Variants in RNF217 observed in about 807,000 individuals in gnomAD.
RNF217 encodes ring finger protein 217, also known as E3 ubiquitin-protein ligase RNF217.
RNF217 carries 31 observed loss-of-function variants against 57.8 expected under a neutral mutation model. The ratio of observed to expected loss-of-function variants is 0.54; its 90% CI spans 0.40 to 0.72. RNF217 has a LOEUF of 0.72. Among genes scored for constraint, RNF217 ranks in the 30% least tolerant of loss-of-function variants. The pLI is 0.00. For synonymous variants in RNF217, 313 were observed against 294.0 expected (o/e 1.06, Z -0.66); for missense variants, 696 against 708.3 (o/e 0.98, Z 0.20).
At position 125,058,106 on chromosome 6, in the gene RNF217, G is replaced by A. The variant is rs1311673198; in HGVS notation, c.1281G>A (p.Lys427=). ...QRNAQKCPKC[K]IHIQRTEGCD... ...ATGCCCAGAAGTGTCCAAAGTGCAA[G>A]GTGAGATAACTTTTAGGAGGAAAAG... The change falls in exon 3 of 6, where the codon AAG becomes AAA. Residue 427 remains lysine, a splice_region_variant and synonymous_variant. Coordinates refer to ENST00000521654, the MANE Select transcript of RNF217 (RefSeq NM_001286398.3). 1 of 1,606,722 alleles carries A rather than the reference G, an allele frequency of 6.2e-7. No homozygotes were observed. Among genetic ancestry groups the A allele is most frequent in the Admixed American group, 1.7e-5 (1 of 59,226 alleles).
At chr6:125,000,705 A>G (rs1456934956) in intron 1 of RNF217, among the ~76,000 whole-genome samples, 1 of 152,142 alleles carries the variant, frequency 6.6e-6, no homozygotes, top group Non-Finnish European at 1.5e-5. Flanking sequence ...ATACATGAGT[A>G]TCTACATGCC....
At chr6:125,009,164 A>T in intron 1 of RNF217, 4 of 1,509,772 alleles carry the variant, frequency 2.6e-6, no homozygotes, top group Admixed American at 4.2e-5. Flanking sequence ...TTCTCTTCTC[A>T]TATTCATAGG....
intron 3 of RNF217, among the ~76,000 whole-genome samples, chr6:125,075,773 A>G (rs1383228114): frequency 6.6e-6 from 1 of 152,200 alleles, no homozygotes; most frequent in Non-Finnish European, 1.5e-5. Context: ...ACGCACAGAT[A>G]AAGATGGCTC....
intron 2 of RNF217, among the ~76,000 whole-genome samples, chr6:125,047,788 C>A (rs982078034): frequency 4.0e-5 from 6 of 151,614 alleles, no homozygotes; most frequent in South Asian, 2.1e-4. Flanking sequence ...TCAACAACAC[C>A]ATAAATGTTG....
chr6:125,037,480 G>C (rs535734475), intron 1 of RNF217, among the ~76,000 whole-genome samples: 1 of 152,236 alleles, frequency 6.6e-6, no homozygotes, highest in Non-Finnish European at 1.5e-5. Flanking sequence ...CTTGCTTAGA[G>C]TCAAGAGATT....
At chr6:125,025,972 T>C (rs1562474285) in intron 1 of RNF217, among the ~76,000 whole-genome samples, 1 of 151,918 alleles carries the variant, frequency 6.6e-6, no homozygotes, top group East Asian at 1.9e-4. Context: ...GGTGAAATGG[T>C]TCATGGGTAA....
At chr6:125,048,175 A>G (rs1176727592) in intron 2 of RNF217, 1 of 1,339,750 alleles carries the variant, frequency 7.5e-7, no homozygotes, top group African/African-American at 1.5e-5. Context: ...TGACATGGAT[A>G]CCCCAGCCAA....
chr6:125,079,756 G>T lies in RNF217; in HGVS notation c.1484-1680G>T, dbSNP rs1408526367. ...ATAAATCTAGATAAACTGAAAATGG[G>T]TTATGTGCAAGTATAATTTAAAATA... On this transcript the variant is annotated intron_variant, in intron 4 of 5. Coordinates refer to ENST00000521654, the MANE Select transcript of RNF217 (RefSeq NM_001286398.3). Among the ~76,000 whole-genome samples, 36 of 151,934 alleles carry T rather than the reference G, an allele frequency of 2.4e-4. 1 individual carries two copies. The highest frequency in any genetic ancestry group is 5.9e-5 in the Non-Finnish European group (4 of 67,958).
At chr6:125,009,171 T>C in intron 1 of RNF217, 1 of 1,532,192 alleles carries the variant, frequency 6.5e-7, no homozygotes, top group Non-Finnish European at 8.8e-7. Flanking sequence ...CTCATATTCA[T>C]AGGTCCATTG....
intron 1 of RNF217, among the ~76,000 whole-genome samples, chr6:124,995,237 A>G (rs922758634): frequency 6.6e-6 from 1 of 152,186 alleles, no homozygotes; most frequent in Non-Finnish European, 1.5e-5. Flanking sequence ...AATATAACAC[A>G]TGGTTATAGT....
At chr6:125,065,871 C>T (rs1787915211) in intron 3 of RNF217, among the ~76,000 whole-genome samples, 1 of 152,154 alleles carries the variant, frequency 6.6e-6, no homozygotes, top group South Asian at 2.1e-4. Flanking sequence ...GTGAGAAAAG[C>T]TATATATCCA....
At chr6:125,039,049 G>A (rs553958110) in intron 1 of RNF217, among the ~76,000 whole-genome samples, 1 of 151,852 alleles carries the variant, frequency 6.6e-6, no homozygotes, top group East Asian at 1.9e-4. Context: ...TCCCTGCTGT[G>A]TCCATGTGTT....
intron 1 of RNF217, among the ~76,000 whole-genome samples, chr6:125,013,866 A>T (rs769994996): frequency 7.2e-5 from 11 of 152,208 alleles, no homozygotes; most frequent in Non-Finnish European, 1.6e-4. Context: ...GACATGTAAC[A>T]GCAGCAACAA....
chr6:124,999,139 C>G (rs1171135993), intron 1 of RNF217, among the ~76,000 whole-genome samples: 1 of 152,196 alleles, frequency 6.6e-6, no homozygotes, highest in East Asian at 1.9e-4. Flanking sequence ...GTGTATTATA[C>G]TGAAGACAAA....
chr6:125,009,213 A>C, intron 1 of RNF217: 2 of 1,598,782 alleles, frequency 1.3e-6, no homozygotes, highest in East Asian at 2.2e-5. Flanking sequence ...AGAGTAGGAG[A>C]ATCAAAGCTG....
chr6:124,983,247 A>T, intron 1 of RNF217: 1 of 383,806 alleles, frequency 2.6e-6, no homozygotes, highest in Non-Finnish European at 3.6e-6. Context: ...AAAAAGGTTT[A>T]GAGCCACTGG....
At chr6:125,058,441 G>T (rs528917549) in intron 3 of RNF217, among the ~76,000 whole-genome samples, 1 of 152,078 alleles carries the variant, frequency 6.6e-6, no homozygotes, top group African/African-American at 2.4e-5. Flanking sequence ...GTTCTAGTCT[G>T]CCACGTGTAC....
At chr6:125,041,525 C>T (rs1365132967) in intron 1 of RNF217, among the ~76,000 whole-genome samples, 2 of 152,214 alleles carry the variant, frequency 1.3e-5, no homozygotes, top group Non-Finnish European at 2.9e-5. Context: ...TTCTCTCCCT[C>T]CTTTAGTATA....
At chr6:124,984,541 C>CAAAAAAAAAAAAAAA (rs750251821) in intron 1 of RNF217, among the ~76,000 whole-genome samples, 2 of 74,218 alleles carry the variant, frequency 2.7e-5, no homozygotes, top group African/African-American at 4.6e-5. Flanking sequence ...GACCCTTTCT[C>CAAAAAAAAAAAAAAA]AAAAAAAAAA....
Sources: allele counts gnomAD v4.1 joint callset (sites outside exome capture counted in the v4.1 genomes callset), GRCh38; gene constraint gnomAD v4.1.1; transcripts MANE v1.5; gene names NCBI Gene and HGNC (gene_info 2026-07-23, HGNC 2026-07-21).